GFRA1: variants seen among roughly 807,000 people sequenced by gnomAD.
GFRA1 encodes GDNF family receptor alpha 1, also known as GDNF family receptor alpha-1.
Under a neutral mutation model 51.6 loss-of-function variants are expected in GFRA1, and 16 were observed. The observed-to-expected ratio is 0.31, with a 90% confidence interval of 0.21 to 0.47. GFRA1 has a LOEUF of 0.47. Ranked by LOEUF, GFRA1 falls within the 20% of genes least tolerant of loss-of-function variation. The probability of loss-of-function intolerance (pLI) is 1.00; values close to 1 mark genes in which losing one functional copy is unlikely to be tolerated. For missense variants in GFRA1, 530 were observed against 594.3 expected, an observed-to-expected ratio of 0.89 and a Z score of 1.13; for synonymous variants, 270 against 241.3, an observed-to-expected ratio of 1.12 and a Z score of -1.10.
intron 5 of GFRA1, among the ~76,000 whole-genome samples, chr10:116,203,721 G>C (rs1252295045): frequency 2.6e-5 from 4 of 152,312 alleles, no homozygotes; most frequent in African/African-American, 9.6e-5. Context: ...CTCTATCCTG[G>C]TCCCCAGTGA....
intron 4 of GFRA1, among the ~76,000 whole-genome samples, chr10:116,261,230 A>T (rs1196045378): frequency 6.6e-6 from 1 of 152,220 alleles, no homozygotes; most frequent in Non-Finnish European, 1.5e-5. Context: ...ACCCATTTAC[A>T]AGCAAACACC....
At chr10:116,098,885 TAAAACAA>T (rs1956710777) in intron 6 of GFRA1, among the ~76,000 whole-genome samples, 1 of 152,190 alleles carries the variant, frequency 6.6e-6, no homozygotes. Context: ...ATTGGGAGGA[TAAAACAA>T]AATATACTGC....
chr10:116,246,573 A>G (rs909735326), intron 4 of GFRA1, among the ~76,000 whole-genome samples: 4 of 152,268 alleles, frequency 2.6e-5, no homozygotes, highest in Admixed American at 6.5e-5. Flanking sequence ...AAAAGAAAAA[A>G]GACAGTGATT....
At chr10:116,143,235 A>G (rs1958649839) in intron 5 of GFRA1, among the ~76,000 whole-genome samples, 1 of 152,112 alleles carries the variant, frequency 6.6e-6, no homozygotes, top group African/African-American at 2.4e-5. Flanking sequence ...GGAGTATTTC[A>G]GAGACTTGTG....
chr10:116,158,790 A>AG (rs1959430058), intron 5 of GFRA1, among the ~76,000 whole-genome samples: 1 of 152,196 alleles, frequency 6.6e-6, no homozygotes, highest in Admixed American at 6.5e-5. Flanking sequence ...CCAGTACCAG[A>AG]GGGGGTCATC....
At chr10:116,153,297 G>A (rs910011642) in intron 5 of GFRA1, among the ~76,000 whole-genome samples, 1 of 152,166 alleles carries the variant, frequency 6.6e-6, no homozygotes, top group African/African-American at 2.4e-5. Context: ...GAGCACCCAG[G>A]GTTACCATTT....
At chr10:116,117,368 A>T (rs1159898060) in intron 6 of GFRA1, among the ~76,000 whole-genome samples, 1 of 151,658 alleles carries the variant, frequency 6.6e-6, no homozygotes, top group Admixed American at 6.6e-5. Context: ...GCTAACAGCC[A>T]CTCTAAGCTG....
chr10:116,152,234 C>A (rs748908413), intron 5 of GFRA1, among the ~76,000 whole-genome samples: 1 of 152,004 alleles, frequency 6.6e-6, no homozygotes, highest in Non-Finnish European at 1.5e-5. Context: ...GTAAGATGGA[C>A]CAGAGAGGAA....
chr10:116,076,789 G>A lies in GFRA1; in HGVS notation c.1198-11163C>T, dbSNP rs79589425. Among the ~76,000 whole-genome samples, 520 of 152,288 alleles carry A rather than the reference G, an allele frequency of 3.4e-3. 3 individuals carry two copies. Among genetic ancestry groups the A allele is most frequent in the African/African-American group, 0.012 (502 of 41,558 alleles). On this transcript the variant is annotated intron_variant, in intron 9 of 10. Coordinates refer to ENST00000355422, the MANE Select transcript of GFRA1 (RefSeq NM_005264.8). Reference sequence around the variant, plus strand: ...CCCCATGGTGTGCTCCCTAAGCTATGTGATAACTGTGTTTGTATCCCTGGG... The same window carrying A: ...CCCCATGGTGTGCTCCCTAAGCTATATGATAACTGTGTTTGTATCCCTGGG...
rs975327886 is a variant in GFRA1 at position 116,271,998 on chromosome 10, G to C, written c.32C>G (p.Pro11Arg). MFLATLYFAL[P>R]LLDLLLSAEV... ...GGCGGGCCTCGACTTACCCAAGAGC[G>C]GCAGCGCGAAGTACAGGGTCGCCAG... The change falls in exon 2 of 11, where the codon CCG (proline) becomes CGG (arginine). Residue 11 changes from proline (P) to arginine (R), a missense_variant. Coordinates refer to ENST00000355422, the MANE Select transcript of GFRA1 (RefSeq NM_005264.8). 4.5e-6 allele frequency: 7 copies of C among 1,557,270 alleles called. No individual in the cohort carries two copies. The East Asian group carries it at 7.3e-5, about 16-fold the overall frequency.
chr10:116,208,536 A>G (rs778412444), intron 5 of GFRA1, among the ~76,000 whole-genome samples: 1 of 152,196 alleles, frequency 6.6e-6, no homozygotes, highest in African/African-American at 2.4e-5. Flanking sequence ...CTGGCTCCAG[A>G]TAAGAACAAG....
intron 4 of GFRA1, among the ~76,000 whole-genome samples, chr10:116,241,012 C>T (rs1967318179): frequency 6.6e-6 from 1 of 152,116 alleles, no homozygotes; most frequent in Non-Finnish European, 1.5e-5. Context: ...TGCTCCAGAC[C>T]TTAAGCTCTC....
intron 4 of GFRA1, among the ~76,000 whole-genome samples, chr10:116,215,506 T>C (rs1306377189): frequency 2.6e-5 from 4 of 152,344 alleles, no homozygotes; most frequent in African/African-American, 9.6e-5. Flanking sequence ...CCTGCTGAGC[T>C]TGAATTTCCT....
intron 4 of GFRA1, among the ~76,000 whole-genome samples, chr10:116,256,687 T>G (rs1324194829): frequency 6.6e-6 from 1 of 152,188 alleles, no homozygotes; most frequent in Non-Finnish European, 1.5e-5. Flanking sequence ...AACACTTGAG[T>G]TTTCATTGAG....
chr10:116,148,056 A>ATGCG (rs1958892772), intron 5 of GFRA1, among the ~76,000 whole-genome samples: 59 of 136,532 alleles, frequency 4.3e-4, no homozygotes, highest in African/African-American at 1.1e-3. Context: ...GTGTGCATGC[A>ATGCG]TGTGTGCATG....
chr10:116,188,757 C>T (rs1036818197), intron 5 of GFRA1, among the ~76,000 whole-genome samples: 5 of 151,588 alleles, frequency 3.3e-5, no homozygotes, highest in Admixed American at 1.3e-4. Context: ...AAAAGTTAGC[C>T]GGGCGTGGTG....
chr10:116,064,037 AATC>A lies in GFRA1; in HGVS notation c.*358_*360del, dbSNP rs149041587. ...GAAAGGCCAGAAGTAAAACTGTTAA[AATC>A]ATCATCATGATCATGATGATCATCA... On this transcript the variant is annotated 3_prime_UTR_variant, in exon 11 of 11. Transcript: ENST00000355422. 0.24 allele frequency: 48,792 copies of A among 207,094 alleles called. 6,831 individuals carry two copies. The highest frequency in any genetic ancestry group is 0.38 in the African/African-American group (15,976 of 42,060). 12.8% of individuals were successfully genotyped at this position (207,094 alleles called of 1,614,324 possible). A position where few individuals can be genotyped will look rare whatever the true frequency, so the allele number is the denominator to read the frequency against.
At chr10:116,236,801 C>T (rs1423483378) in intron 4 of GFRA1, among the ~76,000 whole-genome samples, 1 of 152,200 alleles carries the variant, frequency 6.6e-6, no homozygotes, top group Admixed American at 6.5e-5. Context: ...TCCTCTGCAA[C>T]CGCCTTGGTG....
chr10:116,203,250 G>GT (rs1214627687), intron 5 of GFRA1, among the ~76,000 whole-genome samples: 4 of 152,150 alleles, frequency 2.6e-5, no homozygotes, highest in Non-Finnish European at 4.4e-5. Context: ...CAAAAAATTT[G>GT]TATGAATCAA....
Sources: allele counts gnomAD v4.1 joint callset (sites outside exome capture counted in the v4.1 genomes callset), GRCh38; gene constraint gnomAD v4.1.1; transcripts MANE v1.5; gene names NCBI Gene and HGNC (gene_info 2026-07-23, HGNC 2026-07-21).